SOCS5: variants seen among roughly 807,000 people sequenced by gnomAD.
SOCS5 encodes suppressor of cytokine signaling 5.
SOCS5 carries 32 observed loss-of-function variants against 42.8 expected under a neutral mutation model. That is an observed-to-expected ratio of 0.75 (90% CI 0.56 to 1.01). The LOEUF (loss-of-function observed/expected upper bound fraction) is 1.01. Ranked by LOEUF, SOCS5 falls within the 50% of genes least tolerant of loss-of-function variation. The probability of loss-of-function intolerance (pLI) is 0.00; values close to 1 mark genes in which losing one functional copy is unlikely to be tolerated. For missense variants in SOCS5, 627 were observed against 653.0 expected, an observed-to-expected ratio of 0.96 and a Z score of 0.43; for synonymous variants, 283 against 229.6, an observed-to-expected ratio of 1.23 and a Z score of -2.10.
At chr2:46,730,536 G>A (rs1673093125) in intron 1 of SOCS5, among the ~76,000 whole-genome samples, 1 of 152,168 alleles carries the variant, frequency 6.6e-6, no homozygotes, top group South Asian at 2.1e-4. Context: ...GGAGGCGGAG[G>A]TTGCAGTGAG....
At chr2:46,719,937 TAAAG>T (rs902111417) in intron 1 of SOCS5, among the ~76,000 whole-genome samples, 5 of 152,146 alleles carry the variant, frequency 3.3e-5, no homozygotes, top group Non-Finnish European at 7.3e-5. Flanking sequence ...GGAAAACTGA[TAAAG>T]AAAGCAAAGG....
At chr2:46,713,009 G>T (rs1672662735) in intron 1 of SOCS5, among the ~76,000 whole-genome samples, 1 of 152,106 alleles carries the variant, frequency 6.6e-6, no homozygotes. Flanking sequence ...AAGCCATCTG[G>T]ACCTGTAGTT....
chr2:46,740,856 T>G (rs1673357189), intron 1 of SOCS5, among the ~76,000 whole-genome samples: 1 of 152,120 alleles, frequency 6.6e-6, no homozygotes, highest in South Asian at 2.1e-4. Context: ...TTCTGACCTG[T>G]TTTCCTTATC....
Position 46,758,656 on chromosome 2 carries a change from G to C in SOCS5, c.126G>C (p.Glu42Asp), listed in dbSNP as rs150807217. 281 of 1,614,118 alleles carry C rather than the reference G, an allele frequency of 1.7e-4. No individual in the cohort carries two copies. In the African/African-American group the frequency reaches 3.4e-3, roughly 19 times the overall value. ...MNSNRCLSVKEKNISIGDSTP... is the reference protein window; with the variant it reads ...MNSNRCLSVKDKNISIGDSTP... Reference sequence around the variant, plus strand: ...CCAACAGATGTTTGTCTGTCAAAGAGAAAAACATCAGCATAGGAGACTCAA... The same window carrying C: ...CCAACAGATGTTTGTCTGTCAAAGACAAAAACATCAGCATAGGAGACTCAA... The change falls in exon 2 of 2, where the codon GAG becomes GAC. Residue 42 changes from glutamate to aspartate, a missense_variant. Glu to Asp is a conservative substitution (Grantham distance 45). Transcript: ENST00000394861.
chr2:46,703,931 A>G (rs1263693134), intron 1 of SOCS5, among the ~76,000 whole-genome samples: 2 of 152,216 alleles, frequency 1.3e-5, no homozygotes, highest in African/African-American at 4.8e-5. Context: ...TCATGTTAAT[A>G]TTGGATAAAT....
chr2:46,726,060 G>A (rs1308383561), intron 1 of SOCS5, among the ~76,000 whole-genome samples: 1 of 151,408 alleles, frequency 6.6e-6, no homozygotes, highest in Admixed American at 6.6e-5. Flanking sequence ...ACTATGATAT[G>A]TCTGGGCATG....
intron 1 of SOCS5, among the ~76,000 whole-genome samples, chr2:46,739,980 G>A (rs1473687880): frequency 6.6e-6 from 1 of 152,174 alleles, no homozygotes; most frequent in African/African-American, 2.4e-5. Context: ...AGGTATTAAC[G>A]TATTCAAACG....
chr2:46,705,391 G>A (rs1214011906), intron 1 of SOCS5, among the ~76,000 whole-genome samples: 1 of 152,196 alleles, frequency 6.6e-6, no homozygotes, highest in African/African-American at 2.4e-5. Context: ...AGGGCAGCCA[G>A]TTGGTAGCTG....
chr2:46,713,436 G>A (rs1672672429), intron 1 of SOCS5, among the ~76,000 whole-genome samples: 1 of 152,074 alleles, frequency 6.6e-6, no homozygotes, highest in Non-Finnish European at 1.5e-5. Flanking sequence ...AGAATCTGTT[G>A]AATTTATCAG....
intron 1 of SOCS5, among the ~76,000 whole-genome samples, chr2:46,714,973 T>G (rs887915301): frequency 1.3e-5 from 2 of 152,204 alleles, no homozygotes; most frequent in African/African-American, 4.8e-5. Context: ...TAATGTGTAG[T>G]TCAAGAATCA....
intron 1 of SOCS5, among the ~76,000 whole-genome samples, chr2:46,747,618 G>T (rs1431150180): frequency 6.6e-6 from 1 of 152,052 alleles, no homozygotes; most frequent in South Asian, 2.1e-4. Flanking sequence ...ACTTTTTAAG[G>T]TTTCTTTGTT....
chr2:46,755,204 C>T (rs987618426), intron 1 of SOCS5, among the ~76,000 whole-genome samples: 7 of 152,104 alleles, frequency 4.6e-5, no homozygotes, highest in African/African-American at 1.7e-4. Context: ...AACAATATAA[C>T]ATAATTAGGT....
intron 1 of SOCS5, among the ~76,000 whole-genome samples, chr2:46,730,455 C>T (rs1161591925): frequency 6.6e-6 from 1 of 152,062 alleles, no homozygotes. Context: ...ACAAAATTAG[C>T]CAGGCATGGT....
chr2:46,756,113 C>G (rs2103762088), intron 1 of SOCS5, among the ~76,000 whole-genome samples: 1 of 152,282 alleles, frequency 6.6e-6, no homozygotes, highest in South Asian at 2.1e-4. Context: ...CACACTAATT[C>G]ATACAACTTA....
chr2:46,706,997 T>A (rs1460444695), intron 1 of SOCS5, among the ~76,000 whole-genome samples: 1 of 152,174 alleles, frequency 6.6e-6, no homozygotes, highest in Non-Finnish European at 1.5e-5. Context: ...GCTTTAAAAA[T>A]TTTTAAATGC....
chr2:46,701,814 T>TTTTTTTTTTTTTTGAGACGG (rs1179250595), intron 1 of SOCS5, among the ~76,000 whole-genome samples: 1 of 136,442 alleles, frequency 7.3e-6, no homozygotes. Context: ...CTATAATTTT[T>TTTTTTTTTTTTTTGAGACGG]ATGCTAAAAT....
chr2:46,740,227 C>A (rs577891183), intron 1 of SOCS5, among the ~76,000 whole-genome samples: 56 of 152,292 alleles, frequency 3.7e-4, no homozygotes, highest in African/African-American at 1.3e-3. Flanking sequence ...GGTGATTGGA[C>A]TGGCATGGGT....
chr2:46,731,238 C>T (rs1184296946), intron 1 of SOCS5, among the ~76,000 whole-genome samples: 1 of 152,068 alleles, frequency 6.6e-6, no homozygotes, highest in South Asian at 2.1e-4. Context: ...GGATGATACC[C>T]TCATGAATGG....
At chr2:46,711,002 A>G (rs555355856) in intron 1 of SOCS5, among the ~76,000 whole-genome samples, 13 of 152,242 alleles carry the variant, frequency 8.5e-5, no homozygotes, top group Non-Finnish European at 1.6e-4. Context: ...TCCATGTTAC[A>G]TATAAGAATT....
Sources: gnomAD v4.1 joint callset for allele counts (sites outside exome capture counted in the v4.1 genomes callset) on GRCh38, gnomAD v4.1.1 for gene constraint, MANE v1.5 for transcripts, NCBI Gene and HGNC (gene_info 2026-07-23, HGNC 2026-07-21) for gene names.